JMJD6: variants seen among roughly 807,000 people sequenced by gnomAD.
The protein encoded by JMJD6 is jumonji domain containing 6, arginine demethylase and lysine hydroxylase.
A neutral mutation model predicts 45.8 loss-of-function variants in JMJD6; 17 were observed. That is an observed-to-expected ratio of 0.37 (90% CI 0.25 to 0.56). JMJD6 has a LOEUF of 0.56. JMJD6 is among the 20% of genes least tolerant of loss of function. The pLI is 0.79. For synonymous variants in JMJD6, 221 were observed against 196.3 expected, an observed-to-expected ratio of 1.13 and a Z score of -1.05; for missense variants, 470 against 517.5, an observed-to-expected ratio of 0.91 and a Z score of 0.89.
intron 2 of JMJD6, among the ~76,000 whole-genome samples, chr17:76,724,680 G>A (rs2076877566): frequency 6.6e-6 from 1 of 151,916 alleles, no homozygotes; most frequent in Admixed American, 6.6e-5. Context: ...AGCCGGGTGT[G>A]GTGGTGGGCA....
chr17:76,723,831 G>T lies in JMJD6; in HGVS notation c.746C>A (p.Pro249Gln), dbSNP rs2076860336. 1.2e-6 allele frequency: 2 copies of T among 1,614,050 alleles called. No homozygotes were observed. The highest frequency in any genetic ancestry group is 1.7e-6 in the Non-Finnish European group (2 of 1,180,028). The change falls in exon 3 of 6, where the codon CCA becomes CAA. Residue 249 changes from proline (P) to glutamine (Q), a missense_variant. By Grantham distance (76) the Pro-to-Gln change is moderately conservative. Around this residue, in one of 4 missense-constraint regions of JMJD6, gnomAD observed 346 missense variants for 339.5 expected, o/e 1.02. Transcript: ENST00000397625. Reference sequence around the variant, plus strand: ...GATTTCCAGGGGTTTGAATTCAGGTGGCCAGGTTGGAAGCTGTGTCCGGGG... The same window carrying T: ...GATTTCCAGGGGTTTGAATTCAGGTTGCCAGGTTGGAAGCTGTGTCCGGGG... ...IYPRTQLPTW[P>Q]PEFKPLEILQ...
At chr17:76,719,449 C>G (rs1217479401) in intron 5 of JMJD6, among the ~76,000 whole-genome samples, 1 of 152,156 alleles carries the variant, frequency 6.6e-6, no homozygotes, top group Non-Finnish European at 1.5e-5. Context: ...CCACCACACC[C>G]AACTAATTTT....
Position 76,725,531 on chromosome 17 carries a change from C to A in JMJD6, c.454G>T (p.Val152Leu). The change falls in exon 2 of 6, where the codon GTG becomes TTG. Residue 152 changes from valine to leucine, a missense_variant. Around this residue, in one of 4 missense-constraint regions of JMJD6, gnomAD observed 346 missense variants for 339.5 expected, o/e 1.02. Coordinates refer to ENST00000397625, the MANE Select transcript of JMJD6 (RefSeq NM_015167.3). ...KRRKLLEDYK[V>L]PKFFTDDLFQ... is the part of the protein sequence containing the mutation. ...AGGTCATCAGTGAAAAACTTTGGCA[C>A]CTTGTAGTCTTCCAAAAGTTTCCTT... 1.2e-6 allele frequency: 2 copies of A among 1,614,068 alleles called. No homozygotes were observed. The highest frequency in any genetic ancestry group is 1.7e-6 in the Non-Finnish European group (2 of 1,180,012).
At position 76,723,862 on chromosome 17, in the gene JMJD6, T is replaced by C. The variant is rs754010205; in HGVS notation, c.715A>G (p.Ile239Val). ...QDEAITWFNV[I>V]YPRTQLPTWP... is the part of the protein sequence containing the mutation. ...GTTGGAAGCTGTGTCCGGGGATAAA[T>C]AACATTAAACCAGGTAATAGCTTCG... Residue 239 changes from isoleucine to valine, a missense_variant, in exon 3 of 6, where the codon ATT (isoleucine) becomes GTT (valine). Physicochemically the swap from Ile to Val is conservative, Grantham distance 29. Around this residue, in one of 4 missense-constraint regions of JMJD6, gnomAD observed 346 missense variants for 339.5 expected, o/e 1.02. Transcript: ENST00000397625. 6.2e-7 allele frequency: 1 copy of C among 1,614,094 alleles called. No individual in the cohort carries two copies.
At chr17:76,725,248 A>G (rs111415924) in intron 2 of JMJD6, among the ~76,000 whole-genome samples, 1 of 152,046 alleles carries the variant, frequency 6.6e-6, no homozygotes, top group South Asian at 2.1e-4. Context: ...GTCTCTACTA[A>G]AAATACAAAA....
chr17:76,715,205 T>C (rs1480659192), downstream of JMJD6: 1 of 151,724 alleles, frequency 6.6e-6, no homozygotes, highest in African/African-American at 2.4e-5. Flanking sequence ...AAAGCAGGAG[T>C]AGCAACACCA....
chr17:76,720,745 A>C, intron 4 of JMJD6: 1 of 368,574 alleles, frequency 2.7e-6, no homozygotes, highest in Non-Finnish European at 5.0e-6. Context: ...CACCTGCATA[A>C]ATGAGCCAGC....
chr17:76,725,069 A>G (rs1334322679), intron 2 of JMJD6, among the ~76,000 whole-genome samples: 2 of 152,146 alleles, frequency 1.3e-5, no homozygotes, highest in Non-Finnish European at 2.9e-5. Context: ...TGTTTCCAAA[A>G]AAGATTAGCA....
In JMJD6 at chr17:76,718,768, C is replaced by A; in HGVS notation, c.1173G>T (p.Gln391His). 1.2e-6 allele frequency: 2 copies of A among 1,614,222 alleles called. No individual in the cohort carries two copies. Among genetic ancestry groups the A allele is most frequent in the South Asian group, 1.1e-5 (1 of 91,086 alleles). ...TGCGCTCTTTGCTGACACAGTCGTC[C>A]TGGGAGGTGGTGTCCCCGTTTCCCA... The part of the protein sequence containing the change: ...SMVGNGDTTS[Q>H]DDCVSKERSS... The change falls in exon 6 of 6, where the codon CAG (glutamine) becomes CAT (histidine). Residue 391 changes from glutamine (Q) to histidine (H), a missense_variant. Physicochemically the swap from Gln to His is conservative, Grantham distance 24. Transcript: ENST00000397625.
chr17:76,724,313 G>C (rs1348742350), intron 2 of JMJD6, among the ~76,000 whole-genome samples: 1 of 151,700 alleles, frequency 6.6e-6, no homozygotes, highest in Non-Finnish European at 1.5e-5. Context: ...GTAGAGACAG[G>C]GTTTCACCAT....
At chr17:76,722,682 C>T (rs971468478) in intron 3 of JMJD6, among the ~76,000 whole-genome samples, 3 of 151,612 alleles carry the variant, frequency 2.0e-5, no homozygotes, top group African/African-American at 7.3e-5. Flanking sequence ...CCCGTCTCTA[C>T]TAAAATACAA....
At chr17:76,718,032 G>A (rs565256396), downstream of JMJD6, among the ~76,000 whole-genome samples, 3 of 151,292 alleles carry the variant, frequency 2.0e-5, no homozygotes, top group Non-Finnish European at 4.4e-5. Flanking sequence ...GCATGGTGGG[G>A]TGAATCTGTA....
downstream of JMJD6, chr17:76,716,610 G>A (rs1048405226): frequency 7.5e-7 from 1 of 1,325,216 alleles, no homozygotes. Flanking sequence ...GGTAGGAGCA[G>A]AAGATGCGAG....
At chr17:76,718,160 C>CAAAAAA (rs11335765), downstream of JMJD6, among the ~76,000 whole-genome samples, 1 of 65,896 alleles carries the variant, frequency 1.5e-5, no homozygotes, top group African/African-American at 5.5e-5. Flanking sequence ...GACCCTGTCT[C>CAAAAAA]AAAAAAAAAA....
chr17:76,714,776 T>A (rs2076752607), downstream of JMJD6: 1 of 152,252 alleles, frequency 6.6e-6, no homozygotes, highest in African/African-American at 2.4e-5. Context: ...AACTTTAGCA[T>A]CTGGAGAAAG....
intron 4 of JMJD6, 76 bp downstream of exon 4, chr17:76,721,722 G>A (rs949344084): frequency 8.7e-5 from 127 of 1,465,276 alleles, no homozygotes; most frequent in Non-Finnish European, 4.9e-5. Context: ...ACACATCATC[G>A]CAGCAGTGGA....
rs775863937 is a variant in JMJD6, at chr17:76,724,035, C to A, written c.542G>T (p.Arg181Leu). ...GTCGATGTGAATCCCAGTTCCGGAGCGTGGTGGCCCCATCACAAACCACCT... is the reference window on the plus strand; with the variant it reads ...GTCGATGTGAATCCCAGTTCCGGAGAGTGGTGGCCCCATCACAAACCACCT... ...PYRWFVMGPP[R>L]SGTGIHIDPL... Residue 181 changes from arginine (R) to leucine (L), a missense_variant, in exon 3 of 6, where the codon CGC (arginine) becomes CTC (leucine). Physicochemically the swap from Arg to Leu is moderately radical, Grantham distance 102. This residue lies in a region of JMJD6 where 346 missense variants were observed against 339.5 expected (regional missense o/e 1.02). Coordinates refer to ENST00000397625, the MANE Select transcript of JMJD6 (RefSeq NM_015167.3). 3 of 1,614,016 alleles carry A rather than the reference C, an allele frequency of 1.9e-6. No homozygotes were observed. Among genetic ancestry groups the A allele is most frequent in the Non-Finnish European group, 2.5e-6 (3 of 1,179,930 alleles).
At position 76,718,645 on chromosome 17, in the gene JMJD6, T is replaced by C. The variant is rs577544988; in HGVS notation, c.*84A>G. ...TTGGGCTCTGTCAGGCCTCCCCTTG[T>C]CTGCAGGACTGGACAGGCCACCCTC... On this transcript the variant is annotated 3_prime_UTR_variant, in exon 6 of 6. Transcript: ENST00000397625. The C allele has an allele frequency of 2.4e-5, 36 of 1,529,642 alleles. No homozygotes were observed. In the African/African-American group the frequency reaches 4.0e-4, roughly 17 times the overall value. 94.8% of individuals were successfully genotyped at this position (1,529,642 alleles called of 1,614,324 possible).
Position 76,725,596 on chromosome 17 carries a change from A to T in JMJD6, c.389T>A (p.Leu130His). 6.2e-7 allele frequency: 1 copy of T among 1,614,050 alleles called. No homozygotes were observed. The highest frequency in any genetic ancestry group is 1.1e-5 in the South Asian group (1 of 91,084). Reference sequence around the variant, plus strand: ...ACCATAGCTGCTGTCAAAGATGTAAAGGGGACTATCATCTCGAGTGCTCTC... The same window carrying T: ...ACCATAGCTGCTGTCAAAGATGTAATGGGGACTATCATCTCGAGTGCTCTC... ...YMESTRDDSP[L>H]YIFDSSYGEH... Residue 130 changes from leucine (L) to histidine (H), a missense_variant, in exon 2 of 6, where the codon CTT (leucine) becomes CAT (histidine). This residue lies in a region of JMJD6 where 346 missense variants were observed against 339.5 expected (regional missense o/e 1.02). Transcript: ENST00000397625.
Sources: allele counts gnomAD v4.1 joint callset (sites outside exome capture counted in the v4.1 genomes callset), GRCh38; gene constraint gnomAD v4.1.1; regional missense constraint gnomAD v4.1.1; transcripts MANE v1.5; gene names NCBI Gene and HGNC (gene_info 2026-07-23, HGNC 2026-07-21).